The following EYS variants were observed in gnomAD, a reference collection of about 807,000 sequenced individuals.
EYS encodes the protein protein eyes shut homolog.
A neutral mutation model predicts 282.1 loss-of-function variants in EYS; 250 were observed. The observed-to-expected ratio is 0.89, with a 90% CI of 0.80 to 0.98. The LOEUF (loss-of-function observed/expected upper bound fraction) is 0.98. EYS is among the 50% of genes least tolerant of loss of function. The probability of loss-of-function intolerance (pLI) is 0.00; values close to 1 mark genes in which losing one functional copy is unlikely to be tolerated. For missense variants in EYS, 4,016 were observed against 3,709.0 expected (o/e 1.08, Z -2.15); for synonymous variants, 1,355 against 1,282.9 (o/e 1.06, Z -1.20).
chr6:65,048,743 T>C (rs9351484), intron 13 of EYS, among the ~76,000 whole-genome samples: 1 of 151,734 alleles, frequency 6.6e-6, no homozygotes, highest in East Asian at 2.0e-4. Context: ...CACTCCTGTT[T>C]CCCTAAAGCA....
At chr6:64,890,359 T>TC (rs1439571636) in intron 18 of EYS, among the ~76,000 whole-genome samples, 1 of 152,088 alleles carries the variant, frequency 6.6e-6, no homozygotes, top group East Asian at 1.9e-4. Flanking sequence ...GCACACTTCC[T>TC]CCCCTTTGAA....
At chr6:64,053,916 C>T (rs1770897198) in intron 33 of EYS, among the ~76,000 whole-genome samples, 1 of 152,112 alleles carries the variant, frequency 6.6e-6, no homozygotes, top group Non-Finnish European at 1.5e-5. Flanking sequence ...TGCAAATAAT[C>T]TCTCTATAAA....
chr6:63,783,250 C>T (rs1437141002), intron 39 of EYS, among the ~76,000 whole-genome samples: 1 of 152,136 alleles, frequency 6.6e-6, no homozygotes, highest in Non-Finnish European at 1.5e-5. Context: ...AGCTTATTTC[C>T]TGTTCATGTA....
chr6:63,746,188 G>A (rs1231734899), intron 41 of EYS, among the ~76,000 whole-genome samples: 2 of 152,098 alleles, frequency 1.3e-5, no homozygotes, highest in Admixed American at 6.5e-5. Context: ...ATAATCATGT[G>A]GTTTCTGTTA....
intron 12 of EYS, among the ~76,000 whole-genome samples, chr6:65,143,610 A>G (rs909198888): frequency 3.9e-5 from 6 of 152,044 alleles, no homozygotes; most frequent in Non-Finnish European, 7.4e-5. Flanking sequence ...TTGAGATGTA[A>G]TTTAAGGATT....
At chr6:63,808,717 T>C (rs2149680007) in intron 36 of EYS, among the ~76,000 whole-genome samples, 1 of 152,322 alleles carries the variant, frequency 6.6e-6, no homozygotes, top group East Asian at 1.9e-4. Context: ...ATGATAACCA[T>C]GACCCATAGG....
chr6:65,151,700 C>T (rs1329691356), intron 12 of EYS, among the ~76,000 whole-genome samples: 1 of 151,874 alleles, frequency 6.6e-6, no homozygotes, highest in Non-Finnish European at 1.5e-5. Context: ...CATATATATG[C>T]ATTTAATTGT....
chr6:64,937,372 G>T (rs1458385825), intron 15 of EYS, among the ~76,000 whole-genome samples: 1 of 151,398 alleles, frequency 6.6e-6, no homozygotes, highest in African/African-American at 2.4e-5. Flanking sequence ...CATAATGGAA[G>T]AAAATATTTG....
intron 2 of EYS, among the ~76,000 whole-genome samples, chr6:65,631,757 C>T (rs1401099198): frequency 2.0e-5 from 3 of 151,980 alleles, no homozygotes; most frequent in South Asian, 4.2e-4. Context: ...ATGGATAATT[C>T]GAGTAGAGTA....
chr6:63,904,938 T>C (rs1392982605), intron 35 of EYS, among the ~76,000 whole-genome samples: 1 of 152,224 alleles, frequency 6.6e-6, no homozygotes, highest in Non-Finnish European at 1.5e-5. Flanking sequence ...TTCTAAAGTG[T>C]ATAGTTCAGT....
rs1208688492 is a variant in EYS, at chr6:65,384,414, C to G, written c.1271G>C (p.Trp424Ser). Residue 424 changes from tryptophan to serine, a missense_variant, in exon 8 of 43, where the codon TGG becomes TCG. Transcript: ENST00000503581. ...LLSINCLNEEWCFNIIGRFKY... is the reference protein window; with the variant it reads ...LLSINCLNEESCFNIIGRFKY... ...GAATCTTCCAATTATATTGAAACAC[C>G]ATTCTTCATTCAGACAGTTGATGCT... The G allele has an allele frequency of 6.2e-7, 1 of 1,606,624 alleles. No individual in the cohort carries two copies. The highest frequency in any genetic ancestry group is 1.7e-5 in the Admixed American group (1 of 59,700).
intron 41 of EYS, among the ~76,000 whole-genome samples, chr6:63,760,525 A>G (rs1280575122): frequency 3.9e-5 from 6 of 152,054 alleles, no homozygotes; most frequent in Admixed American, 3.9e-4. Context: ...ACTTTGTGTT[A>G]GAATTCTATG....
Position 64,439,274 on chromosome 6 carries a change from G to T in EYS, c.5723C>A (p.Ser1908Tyr), listed in dbSNP as rs2150466427. ...GGAGCTGAAGGTCTGAAATTCTAGGGAGATGTTATTTTGTGGATTTAAAGC... is the reference window on the plus strand; with the variant it reads ...GGAGCTGAAGGTCTGAAATTCTAGGTAGATGTTATTTTGTGGATTTAAAGC... ...NVALNPQNNI[S>Y]LEFQTFSSYG... Residue 1908 changes from serine (S) to tyrosine (Y), a missense_variant, in exon 27 of 43, where the codon TCC becomes TAC. By Grantham distance (144) the Ser-to-Tyr change is moderately radical. Coordinates refer to ENST00000503581, the MANE Select transcript of EYS (RefSeq NM_001142800.2). 2 of 1,518,418 alleles carry T rather than the reference G, an allele frequency of 1.3e-6. No individual in the cohort carries two copies. Among genetic ancestry groups the T allele is most frequent in the Non-Finnish European group, 1.8e-6 (2 of 1,132,966 alleles). The allele number at this position is 1,518,418 out of a possible 1,614,324, so 94.1% of individuals were successfully genotyped here. A position where few individuals can be genotyped will look rare whatever the true frequency, so the allele number is the denominator to read the frequency against.
chr6:64,966,274 G>C (rs1407184665), intron 14 of EYS, among the ~76,000 whole-genome samples: 3 of 152,130 alleles, frequency 2.0e-5, no homozygotes, highest in Non-Finnish European at 4.4e-5. Context: ...TGAGAAAAGA[G>C]AGCCTAAATT....
chr6:65,568,027 A>G (rs901498463), intron 2 of EYS, among the ~76,000 whole-genome samples: 2 of 152,018 alleles, frequency 1.3e-5, no homozygotes, highest in Non-Finnish European at 2.9e-5. Context: ...AACAAGAATT[A>G]TTTTTTCTTC....
At chr6:64,960,813 C>A (rs945632874) in intron 14 of EYS, among the ~76,000 whole-genome samples, 3 of 152,162 alleles carry the variant, frequency 2.0e-5, no homozygotes, top group African/African-American at 4.8e-5. Context: ...CTGCCACCCA[C>A]CACCCTCTGA....
intron 12 of EYS, among the ~76,000 whole-genome samples, chr6:65,291,199 A>C (rs957945762): frequency 2.0e-5 from 3 of 151,562 alleles, no homozygotes; most frequent in Non-Finnish European, 4.4e-5. Context: ...CATTGTAAGC[A>C]CTCAATCTTT....
Position 63,925,933 on chromosome 6 carries a change from C to T in EYS, c.7055+58450G>A, listed in dbSNP as rs2149746981. On this transcript the variant is annotated intron_variant, in intron 35 of 42. Coordinates refer to ENST00000503581, the MANE Select transcript of EYS (RefSeq NM_001142800.2). The stretch of plus-strand genomic sequence containing the variant: ...TGCTGAGGTTACAGACATGAGCCAC[C>T]ACGCCTGGCCCTGTCATCTAGGTTT... Among the ~76,000 whole-genome samples, 3 of 152,284 alleles carry T rather than the reference C, an allele frequency of 2.0e-5. No individual in the cohort carries two copies. The Middle Eastern group carries it at 0.01, about 518-fold the overall frequency.
At chr6:64,433,486 A>G (rs1338885530) in intron 28 of EYS, among the ~76,000 whole-genome samples, 2 of 152,040 alleles carry the variant, frequency 1.3e-5, no homozygotes, top group Non-Finnish European at 2.9e-5. Flanking sequence ...GATGATAATC[A>G]TGGACAAAAT....
Sources: gnomAD v4.1 joint callset for allele counts (sites outside exome capture counted in the v4.1 genomes callset) on GRCh38, gnomAD v4.1.1 for gene constraint, MANE v1.5 for transcripts, NCBI Gene and HGNC (gene_info 2026-07-23, HGNC 2026-07-21) for gene names.